ZNF280D: variants seen among roughly 807,000 people sequenced by gnomAD.
ZNF280D encodes zinc finger protein 280D.
Under a neutral mutation model 94.7 loss-of-function variants are expected in ZNF280D, and 39 were observed. That is an observed-to-expected ratio of 0.41 (90% CI 0.32 to 0.54). The LOEUF is 0.54. Among genes scored for constraint, ZNF280D ranks in the 20% least tolerant of loss-of-function variants. ZNF280D has a pLI of 0.22. For missense variants in ZNF280D, 1,090 were observed against 1,149.3 expected (o/e 0.95, Z 0.75); for synonymous variants, 398 against 377.6 (o/e 1.05, Z -0.63).
At chr15:56,708,422 G>A (rs1243334058) in intron 1 of ZNF280D, among the ~76,000 whole-genome samples, 2 of 152,074 alleles carry the variant, frequency 1.3e-5, no homozygotes, top group African/African-American at 2.4e-5. Context: ...AGATAAATAC[G>A]TGATAATCCT....
chr15:56,719,884 G>A (rs2058253389), intron 1 of ZNF280D, among the ~76,000 whole-genome samples: 1 of 114,954 alleles, frequency 8.7e-6, no homozygotes, highest in Non-Finnish European at 1.7e-5. Context: ...CTACTTTATT[G>A]CTAAAAAAAA....
chr15:56,651,982 A>G (rs2053233065), intron 19 of ZNF280D, among the ~76,000 whole-genome samples: 1 of 151,994 alleles, frequency 6.6e-6, no homozygotes, highest in Non-Finnish European at 1.5e-5. Flanking sequence ...TTGTTTCTGG[A>G]TAAACTTTTA....
In ZNF280D at chr15:56,631,890, CCATTTCCTGACAAA is replaced by C; in HGVS notation, c.2534_2547del (p.Val845GlyfsTer15). On this transcript the variant is annotated frameshift_variant, in exon 22 of 22. Coordinates refer to ENST00000267807, the MANE Select transcript of ZNF280D (RefSeq NM_017661.4). LOFTEE classifies it low-confidence loss of function (END_TRUNC). ...TCTGAACTTTGGCACATCTTCAACT[CCATTTCCTGACAAA>C]CGTGTTGTATTTGTTTTTTCTTTTC... The C allele has an allele frequency of 6.2e-7, 1 of 1,613,740 alleles. No homozygotes were observed. Among genetic ancestry groups the C allele is most frequent in the Non-Finnish European group, 8.5e-7 (1 of 1,180,008 alleles).
chr15:56,669,140 T>G (rs764492141), intron 13 of ZNF280D, among the ~76,000 whole-genome samples, 183 bp from the exon 14 acceptor site: 34 of 151,978 alleles, frequency 2.2e-4, no homozygotes, highest in Non-Finnish European at 4.0e-4. Context: ...AGTATTTGGG[T>G]TTCAAAAGTG....
At chr15:56,663,851 G>C (rs2054114409) in intron 16 of ZNF280D, among the ~76,000 whole-genome samples, 1 of 152,042 alleles carries the variant, frequency 6.6e-6, no homozygotes, top group South Asian at 2.1e-4. Flanking sequence ...AGTGAGCTTT[G>C]ACTGCAAGAC....
At chr15:56,709,363 A>C (rs4774888) in intron 1 of ZNF280D, among the ~76,000 whole-genome samples, 2 of 148,428 alleles carry the variant, frequency 1.3e-5, no homozygotes. Flanking sequence ...GAAACAACAG[A>C]TGCTAGAGAG....
intron 13 of ZNF280D, among the ~76,000 whole-genome samples, chr15:56,675,554 T>C (rs529021121): frequency 3.3e-5 from 5 of 152,140 alleles, no homozygotes; most frequent in Non-Finnish European, 5.9e-5. Flanking sequence ...TTGAGAGATT[T>C]ACAGGTAATT....
At chr15:56,688,831 A>G in intron 9 of ZNF280D, 1 of 315,010 alleles carries the variant, frequency 3.2e-6, no homozygotes, top group Non-Finnish European at 5.8e-6. Flanking sequence ...CAATAAGCAT[A>G]CATTATAATA....
chr15:56,695,593 G>T lies in ZNF280D; in HGVS notation c.382-2378C>A, dbSNP rs532162777. On this transcript the variant is annotated intron_variant, in intron 6 of 21. Transcript: ENST00000267807. The stretch of plus-strand genomic sequence containing the variant: ...TCACCAGGCTGGAGTGCAGTGGTGT[G>T]ATCTTGGCTCACTGCAACCTCCACC... Among the ~76,000 whole-genome samples, 3 of 148,950 alleles carry T rather than the reference G, an allele frequency of 2.0e-5. No individual in the cohort carries two copies. The East Asian group carries it at 6.0e-4, about 30-fold the overall frequency.
intron 1 of ZNF280D, among the ~76,000 whole-genome samples, chr15:56,715,091 A>C (rs2057970518): frequency 6.6e-6 from 1 of 152,088 alleles, no homozygotes; most frequent in Non-Finnish European, 1.5e-5. Context: ...AATTTTGTGA[A>C]TACTCAATTT....
intron 1 of ZNF280D, among the ~76,000 whole-genome samples, chr15:56,727,759 T>C (rs1217470121): frequency 6.6e-6 from 1 of 152,198 alleles, no homozygotes; most frequent in African/African-American, 2.4e-5. Flanking sequence ...CAGCAGCACT[T>C]TAGACTCTTA....
chr15:56,724,091 C>T (rs74015899), intron 1 of ZNF280D, among the ~76,000 whole-genome samples: 1,807 of 152,114 alleles, frequency 0.012, 35 homozygotes, highest in African/African-American at 0.042. Flanking sequence ...ATATCACTAG[C>T]CCGGAAAAAG....
At chr15:56,714,462 T>C (rs1435838567) in intron 1 of ZNF280D, among the ~76,000 whole-genome samples, 2 of 152,138 alleles carry the variant, frequency 1.3e-5, no homozygotes, top group Non-Finnish European at 2.9e-5. Context: ...AAATATCTAA[T>C]GTCATTTTTA....
chr15:56,682,485 A>G lies in ZNF280D; in HGVS notation c.781-8T>C. 2 of 1,058,468 alleles carry G rather than the reference A, an allele frequency of 1.9e-6. No individual in the cohort carries two copies. Among genetic ancestry groups the G allele is most frequent in the South Asian group, 1.7e-5 (1 of 58,700 alleles). 65.6% of individuals were successfully genotyped at this position (1,058,468 alleles called of 1,614,324 possible). The stretch of plus-strand genomic sequence containing the variant: ...CATGTCTGGACAACAATACTGAAAG[A>G]GAAAAAAAAAAAAAAAAAACAAGCC... On this transcript the variant is annotated splice_polypyrimidine_tract_variant and splice_region_variant and intron_variant, in intron 9 of 21. Coordinates refer to ENST00000267807, the MANE Select transcript of ZNF280D (RefSeq NM_017661.4).
chr15:56,702,596 AAG>A (rs2057147001), intron 4 of ZNF280D, among the ~76,000 whole-genome samples: 1 of 152,150 alleles, frequency 6.6e-6, no homozygotes, highest in South Asian at 2.1e-4. Context: ...TGTTTTCAAT[AAG>A]AGTTTGAATT....
chr15:56,650,979 C>A (rs2140646002), intron 19 of ZNF280D, among the ~76,000 whole-genome samples: 1 of 152,268 alleles, frequency 6.6e-6, no homozygotes, highest in East Asian at 1.9e-4. Context: ...TTCTCTGATT[C>A]ATATTTCTCC....
chr15:56,723,675 A>T (rs529089326), intron 1 of ZNF280D, among the ~76,000 whole-genome samples: 8 of 152,154 alleles, frequency 5.3e-5, no homozygotes, highest in Non-Finnish European at 1.0e-4. Context: ...CCAACCCTAT[A>T]GACTTCCTTC....
intron 1 of ZNF280D, among the ~76,000 whole-genome samples, chr15:56,727,950 G>T (rs1384952366): frequency 6.6e-6 from 1 of 152,136 alleles, no homozygotes; most frequent in East Asian, 1.9e-4. Context: ...TTTACATTAA[G>T]AATATGGACC....
chr15:56,731,363 T>C (rs1468689603), intron 1 of ZNF280D, among the ~76,000 whole-genome samples: 1 of 150,942 alleles, frequency 6.6e-6, no homozygotes, highest in African/African-American at 2.4e-5. Context: ...ATTAGCTGAG[T>C]GTGGTGGCGT....
Sources: allele counts gnomAD v4.1 joint callset (sites outside exome capture counted in the v4.1 genomes callset), GRCh38; gene constraint gnomAD v4.1.1; transcripts MANE v1.5; gene names NCBI Gene and HGNC (gene_info 2026-07-23, HGNC 2026-07-21).